The following ITGA2B variants were observed in gnomAD, a reference collection of about 807,000 sequenced individuals.
The protein encoded by ITGA2B is integrin alpha-IIb.
In ITGA2B, 91 loss-of-function variants were observed where a neutral mutation model predicts 142.0. The ratio of observed to expected loss-of-function variants is 0.64; its 90% CI spans 0.54 to 0.76. The LOEUF is 0.76. Ranked by LOEUF, ITGA2B falls within the 30% of genes least tolerant of loss-of-function variation. The probability of loss-of-function intolerance (pLI) is 0.00; values close to 1 mark genes in which losing one functional copy is unlikely to be tolerated. For missense variants in ITGA2B, 1,231 were observed against 1,350.8 expected (o/e 0.91, Z 1.39); for synonymous variants, 536 against 567.2 (o/e 0.94, Z 0.78).
Position 44,383,646 on chromosome 17 carries a change from G to C in ITGA2B, c.1057C>G (p.Leu353Val). 2 of 1,600,532 alleles carry C rather than the reference G, an allele frequency of 1.2e-6. No individual in the cohort carries two copies. Among genetic ancestry groups the C allele is most frequent in the Non-Finnish European group, 1.7e-6 (2 of 1,173,798 alleles). The change falls in exon 12 of 30, where the codon CTG (leucine) becomes GTG (valine). Residue 353 changes from leucine (L) to valine (V), a missense_variant. Coordinates refer to ENST00000262407, the MANE Select transcript of ITGA2B (RefSeq NM_000419.5). ...AAATACACACGCCCCACTTCGGCCA[G>C]TTTTCGGTCTGCCCGGCTCTCCATA... Reference protein sequence around the residue: ...LYMESRADRKLAEVGRVYLFL... With the variant: ...LYMESRADRKVAEVGRVYLFL...
chr17:44,374,920 C>T, intron 27 of ITGA2B, 78 bp downstream of exon 27: 1 of 1,363,104 alleles, frequency 7.3e-7, no homozygotes. Flanking sequence ...TGCCCTCCCA[C>T]ACCAAACCCC....
rs1448010649 is a variant in ITGA2B at position 44,384,097 on chromosome 17, C to T, written c.933G>A (p.Leu311=). 1 of 1,613,730 alleles carries T rather than the reference C, an allele frequency of 6.2e-7. No homozygotes were observed. The highest frequency in any genetic ancestry group is 2.2e-5 in the East Asian group (1 of 44,882). The change falls in exon 10 of 30, where the codon CTG becomes CTA. Residue 311 remains leucine (L), a synonymous_variant. Transcript: ENST00000262407. Reference sequence around the variant, plus strand: ...ACCTGGCCCCCACCTGCTCTCCGCGCAGCCGATGCAGCCTCTGGTAGTAGG... The same window carrying T: ...ACCTGGCCCCCACCTGCTCTCCGCGTAGCCGATGCAGCCTCTGGTAGTAGG... ...LDSYYQRLHR[L]RGEQMASYFG...
chr17:44,376,006 G>C, intron 24 of ITGA2B, 21 bp from the exon 25 acceptor site: 1 of 1,614,082 alleles, frequency 6.2e-7, no homozygotes, highest in African/African-American at 1.3e-5. Context: ...GGTGGTGGCA[G>C]GGTGTGGGGA....
Position 44,375,614 on chromosome 17 carries a change from T to G in ITGA2B, c.2704A>C (p.Arg902=). 6.2e-7 allele frequency: 1 copy of G among 1,614,024 alleles called. No homozygotes were observed. Among genetic ancestry groups the G allele is most frequent in the Non-Finnish European group, 8.5e-7 (1 of 1,179,982 alleles). The change falls in exon 26 of 30, where the codon AGG becomes CGG. Residue 902 remains arginine (R), a synonymous_variant. Transcript: ENST00000262407. ...ACTACGAGAACTGGATCCTGAAGCC[T>G]CGAGGGCTGCTCGGGCTCTGGCAGG... is the stretch of plus-strand genomic sequence containing the variant. ...IFLPEPEQPS[R]LQDPVLVSCD... is the part of the protein sequence containing the mutation.
chr17:44,376,907 C>G (rs2048549052), intron 22 of ITGA2B, 102 bp downstream of exon 22: 2 of 912,434 alleles, frequency 2.2e-6, no homozygotes, highest in East Asian at 2.6e-5. Context: ...GCCACTGCGC[C>G]TGGCCTCGAA....
intron 1 of ITGA2B, among the ~76,000 whole-genome samples, chr17:44,386,746 A>G (rs1160470797): frequency 3.3e-5 from 5 of 152,388 alleles, no homozygotes; most frequent in African/African-American, 9.6e-5. Context: ...GCATGGTCCC[A>G]GCCAAATACA....
intron 8 of ITGA2B, 52 bp from the exon 9 acceptor site, chr17:44,384,406 A>G: frequency 1.2e-6 from 2 of 1,610,032 alleles, no homozygotes; most frequent in Non-Finnish European, 1.7e-6. Context: ...GAACCTACCC[A>G]CTTCCCGCTC....
intron 7 of ITGA2B, 125 bp from the exon 8 acceptor site, chr17:44,384,710 GC>G (rs2048628315): frequency 1.5e-6 from 2 of 1,306,812 alleles, no homozygotes; most frequent in African/African-American, 2.9e-5. Context: ...AAAAACGGAG[GC>G]CTTCGAGGGG....
intron 28 of ITGA2B, 30 bp from the exon 29 acceptor site, chr17:44,374,500 C>T (rs1434822145): frequency 6.3e-7 from 1 of 1,593,220 alleles, no homozygotes; most frequent in Non-Finnish European, 8.6e-7. Flanking sequence ...TCTCCTCAGT[C>T]ACCTTGACAC....
chr17:44,385,843 C>G lies in ITGA2B; in HGVS notation c.389G>C (p.Ser130Thr). Reference protein sequence around the residue: ...ARQGLGASVVSWSDVIVACAP... With the variant: ...ARQGLGASVVTWSDVIVACAP... Reference sequence around the variant, plus strand: ...GCCCACCACAATGACGTCGCTCCAGCTGACGACCGACGCCCCCAGTCCTTG... The same window carrying G: ...GCCCACCACAATGACGTCGCTCCAGGTGACGACCGACGCCCCCAGTCCTTG... Residue 130 changes from serine to threonine, a missense_variant, in exon 3 of 30, where the codon AGC becomes ACC. Physicochemically the swap from Ser to Thr is moderately conservative, Grantham distance 58. This residue lies in a region of ITGA2B where 318 missense variants were observed against 312.2 expected (regional missense o/e 1.02). Coordinates refer to ENST00000262407, the MANE Select transcript of ITGA2B (RefSeq NM_000419.5). 3 of 1,604,440 alleles carry G rather than the reference C, an allele frequency of 1.9e-6. No homozygotes were observed.
intron 12 of ITGA2B, 109 bp from the exon 13 acceptor site, chr17:44,381,170 G>T (rs1245196231): frequency 3.7e-6 from 4 of 1,090,240 alleles, no homozygotes; most frequent in Non-Finnish European, 5.2e-6. Context: ...TAGGAAAGGG[G>T]TGCAAAGTGT....
rs780429782 is a variant in ITGA2B at position 44,380,472 on chromosome 17, C to A, written c.1458G>T (p.Lys486Asn). The change falls in exon 15 of 30, where the codon AAG becomes AAT. Residue 486 changes from lysine to asparagine, a missense_variant. Lys to Asn is a moderately conservative substitution (Grantham distance 94). Transcript: ENST00000262407. ...CTTGCACCAGTAGCTGGACAGAGGC[C>A]TTCACCACTGGCTGAGCTCTGATGG... is the stretch of plus-strand genomic sequence containing the variant. The part of the protein sequence containing the change: ...VAVYRAQPVV[K>N]ASVQLLVQDS... 6.2e-7 allele frequency: 1 copy of A among 1,614,128 alleles called. No homozygotes were observed.
rs766170880 is a variant in ITGA2B, at chr17:44,374,728, G to A, written c.2874C>T (p.His958=). 8 of 1,614,084 alleles carry A rather than the reference G, an allele frequency of 5.0e-6. No homozygotes were observed. The highest frequency in any genetic ancestry group is 1.1e-5 in the South Asian group (1 of 91,084). The change falls in exon 28 of 30, where the codon CAC becomes CAT. Residue 958 remains histidine, a synonymous_variant. Coordinates refer to ENST00000262407, the MANE Select transcript of ITGA2B (RefSeq NM_000419.5). The part of the protein sequence containing the change: ...RPLDQFVLQS[H]AWFNVSSLPY... The stretch of plus-strand genomic sequence containing the variant: ...GGAGGGAGGACACGTTGAACCATGC[G>A]TGCGACTGCAGCACAAACTGATCCA...
intron 6 of ITGA2B, 44 bp from the exon 7 acceptor site, chr17:44,385,120 C>T: frequency 6.2e-7 from 1 of 1,614,054 alleles, no homozygotes; most frequent in Non-Finnish European, 8.5e-7. Context: ...AAGCGGTCTC[C>T]TTGGGCCGCG....
chr17:44,384,905 C>CG, intron 7 of ITGA2B, 43 bp downstream of exon 7: 3 of 1,612,918 alleles, frequency 1.9e-6, no homozygotes, highest in Non-Finnish European at 2.5e-6. Flanking sequence ...CTGCGGTGGG[C>CG]GGTGACCCTC....
rs2143443652 is a variant in ITGA2B at position 44,377,024 on chromosome 17, T to C, written c.2252A>G (p.Gln751Arg). Residue 751 changes from glutamine (Q) to arginine (R), a missense_variant, in exon 22 of 30, where the codon CAG becomes CGG. By Grantham distance (43) the Gln-to-Arg change is conservative. Around this residue, in one of 3 missense-constraint regions of ITGA2B, gnomAD observed 908 missense variants for 1,021.1 expected, o/e 0.89. Coordinates refer to ENST00000262407, the MANE Select transcript of ITGA2B (RefSeq NM_000419.5). ...AGGTCAGTACCTCCGTATCTGCAGC[T>C]GGAAGGACACAGACTCCCCAGCCTC... ...LEEAGESVSF[Q>R]LQIRSKNSQN... 2 of 1,592,558 alleles carry C rather than the reference T, an allele frequency of 1.3e-6. No homozygotes were observed. The highest frequency in any genetic ancestry group is 1.7e-6 in the Non-Finnish European group (2 of 1,169,932).
At chr17:44,389,215 G>T in intron 1 of ITGA2B, 71 bp downstream of exon 1, 1 of 1,545,192 alleles carries the variant, frequency 6.5e-7, no homozygotes, top group South Asian at 1.1e-5. Flanking sequence ...TGGGAAACTC[G>T]AAGCCCCCAG....
Position 44,379,786 on chromosome 17 carries a change from C to T in ITGA2B, c.1781G>A (p.Ser594Asn). The change falls in exon 18 of 30, where the codon AGC becomes AAC. Residue 594 changes from serine (S) to asparagine (N), a missense_variant. Ser to Asn is a conservative substitution (Grantham distance 46). Around this residue, in one of 3 missense-constraint regions of ITGA2B, gnomAD observed 908 missense variants for 1,021.1 expected, o/e 0.89. Coordinates refer to ENST00000262407, the MANE Select transcript of ITGA2B (RefSeq NM_000419.5). ...CACATTGAGGCTGAGCACAATGGGG[C>T]TCAGCTTGTCCCGGAAGTCTGCCTC... ...RDEADFRDKL[S>N]PIVLSLNVSL... The T allele has an allele frequency of 6.2e-7, 1 of 1,613,930 alleles. No homozygotes were observed. Among genetic ancestry groups the T allele is most frequent in the Non-Finnish European group, 8.5e-7 (1 of 1,180,028 alleles).
At chr17:44,381,608 G>A (rs906440279) in intron 12 of ITGA2B, among the ~76,000 whole-genome samples, 2 of 152,020 alleles carry the variant, frequency 1.3e-5, no homozygotes, top group Admixed American at 1.3e-4. Flanking sequence ...GGGATTACAG[G>A]TGTGAGCCAC....
Sources: gnomAD v4.1 joint callset for allele counts (sites outside exome capture counted in the v4.1 genomes callset) on GRCh38, gnomAD v4.1.1 for gene constraint, gnomAD v4.1.1 regional missense constraint, MANE v1.5 for transcripts, NCBI Gene and HGNC (gene_info 2026-07-23, HGNC 2026-07-21) for gene names.